The following PTDSS2 variants were observed in gnomAD, a reference collection of about 807,000 sequenced individuals.
PTDSS2 encodes the protein PSS-2.
In PTDSS2, 41 loss-of-function variants were observed where a neutral mutation model predicts 64.7. That is an observed-to-expected ratio of 0.63 (90% CI 0.49 to 0.82). PTDSS2 has a LOEUF of 0.82. Among genes scored for constraint, PTDSS2 ranks in the 40% least tolerant of loss-of-function variants. The probability of loss-of-function intolerance (pLI) is 0.00; values close to 1 mark genes in which losing one functional copy is unlikely to be tolerated. For synonymous variants in PTDSS2, 297 were observed against 277.8 expected (o/e 1.07, Z -0.69); for missense variants, 485 against 650.0 (o/e 0.75, Z 2.76).
intron 2 of PTDSS2, among the ~76,000 whole-genome samples, chr11:464,536 G>C (rs578085034): frequency 1.3e-5 from 2 of 152,342 alleles, no homozygotes; most frequent in African/African-American, 4.8e-5. Context: ...GCCTGGGTGA[G>C]AGCAGGGTCT....
intron 2 of PTDSS2, among the ~76,000 whole-genome samples, chr11:472,420 C>T (rs1847509616): frequency 6.6e-6 from 1 of 152,216 alleles, no homozygotes. Context: ...GAGGGCATCT[C>T]TGCCTCTGTC....
At position 487,081 on chromosome 11, in the gene PTDSS2, G is replaced by T; in HGVS notation, c.570+8G>T. On this transcript the variant is annotated splice_region_variant and intron_variant, in intron 5 of 11. Coordinates refer to ENST00000308020, the MANE Select transcript of PTDSS2 (RefSeq NM_030783.3). ...CCCTTTCACAACATCTGGGTAAGAC[G>T]CCGGGGGCCCTGAGGCGAGCCCCTC... 7 of 1,610,370 alleles carry T rather than the reference G, an allele frequency of 4.3e-6. No individual in the cohort carries two copies. Among genetic ancestry groups the T allele is most frequent in the South Asian group, 1.1e-5 (1 of 90,632 alleles).
Position 488,110 on chromosome 11 carries a change from C to A in PTDSS2, c.622-89C>A, listed in dbSNP as rs1020208655. ...GCGTGGCCGGCGTCCCATACTCTGG[C>A]TGCCAGCCGGGGTGGGGGCTGCACG... On this transcript the variant is annotated intron_variant, in intron 6 of 11. Transcript: ENST00000308020. The A allele has an allele frequency of 9.3e-6, 9 of 964,924 alleles. No individual in the cohort carries two copies. The South Asian group carries it at 9.6e-5, about 10-fold the overall frequency. 59.8% of individuals were successfully genotyped at this position (964,924 alleles called of 1,614,324 possible).
At position 462,112 on chromosome 11, in the gene PTDSS2, G is replaced by C. The variant is rs866855029; in HGVS notation, c.284+1824G>C. 5.9e-5 allele frequency among the ~76,000 whole-genome samples: 9 copies of C among 152,072 alleles called. No individual in the cohort carries two copies. The highest frequency in any genetic ancestry group is 2.1e-4 in the South Asian group (1 of 4,832). On this transcript the variant is annotated intron_variant, in intron 2 of 11. Transcript: ENST00000308020. This position sits in a 1 kb window ranked among gnomAD's most constrained non-coding sequence, Gnocchi z 4.5. ...AGGGGGTGTCTTGGGAGCACTCCCC[G>C]AAAGCATTCACCAGGCCCCCACCAG...
intron 2 of PTDSS2, chr11:464,021 T>A (rs1239906357): frequency 2.0e-5 from 3 of 152,152 alleles, no homozygotes; most frequent in Admixed American, 6.6e-5. Flanking sequence ...GGTCGTGCTC[T>A]GTTGCCCAGG....
rs1590592816 is a variant in PTDSS2 at position 450,363 on chromosome 11, G to A, written c.-93G>A. The A allele has an allele frequency of 8.9e-7, 1 of 1,124,268 alleles. No individual in the cohort carries two copies. The highest frequency in any genetic ancestry group is 1.1e-6 in the Non-Finnish European group (1 of 895,058). The allele number at this position is 1,124,268 out of a possible 1,614,324, so 69.6% of individuals were successfully genotyped here. A position where few individuals can be genotyped will look rare whatever the true frequency, so the allele number is the denominator to read the frequency against. ...GCCAGCGCCGCGACCCCTTCCCAGC[G>A]CTCCTCGCGCTGTGTGCGGCGCGTC... is the stretch of plus-strand genomic sequence containing the variant. On this transcript the variant is annotated 5_prime_UTR_variant, in exon 1 of 12. Transcript: ENST00000308020.
rs1462811987 is a variant in PTDSS2, at chr11:470,987, A to G, written c.285-2908A>G. On this transcript the variant is annotated intron_variant, in intron 2 of 11. Transcript: ENST00000308020. This position sits in a 1 kb window ranked among gnomAD's most constrained non-coding sequence, Gnocchi z 5.3. ...ACAATAATTCTGTAAATCTAAAACC[A>G]TTCTAAAATTAAAAATTTATTTTTA... is the stretch of plus-strand genomic sequence containing the variant. Among the ~76,000 whole-genome samples the G allele has an allele frequency of 6.6e-6, 1 of 152,178 alleles. No homozygotes were observed. Among genetic ancestry groups the G allele is most frequent in the Non-Finnish European group, 1.5e-5 (1 of 68,038 alleles).
At chr11:451,447 GA>G in intron 1 of PTDSS2, 1 of 440,422 alleles carries the variant, frequency 2.3e-6, no homozygotes, top group Admixed American at 2.4e-5. Context: ...CCGTCGACCT[GA>G]AAGCAGGCTT....
At chr11:467,649 C>T (rs1486306322) in intron 2 of PTDSS2, among the ~76,000 whole-genome samples, 1 of 151,906 alleles carries the variant, frequency 6.6e-6, no homozygotes, top group Non-Finnish European at 1.5e-5. Context: ...CCCAGCTACT[C>T]GGGAGGCCAG....
chr11:486,358 C>T (rs1039417935), intron 4 of PTDSS2, among the ~76,000 whole-genome samples: 3 of 152,200 alleles, frequency 2.0e-5, no homozygotes, highest in Non-Finnish European at 2.9e-5. Context: ...GTCTGTCCAG[C>T]GGTCCTAGAC....
At chr11:480,041 A>C (rs1847998376) in intron 4 of PTDSS2, 1 of 152,580 alleles carries the variant, frequency 6.6e-6, no homozygotes, top group Non-Finnish European at 1.5e-5. Flanking sequence ...CACTGGCCCT[A>C]AAACTCCTTT....
chr11:454,186 T>TCCTCCTGCAGGGCTGCTGTGC (rs1182480566), intron 1 of PTDSS2, among the ~76,000 whole-genome samples: 1 of 152,160 alleles, frequency 6.6e-6, no homozygotes, highest in Non-Finnish European at 1.5e-5. Flanking sequence ...CTGAGATGTG[T>TCCTCCTGCAGGGCTGCTGTGC]CCTCCTGCAG....
rs376070131 is a variant in PTDSS2, at chr11:490,448, C to T, written c.1330C>T (p.Arg444Trp). 10 of 1,613,120 alleles carry T rather than the reference C, an allele frequency of 6.2e-6. No homozygotes were observed. Among genetic ancestry groups the T allele is most frequent in the Admixed American group, 3.3e-5 (2 of 60,004 alleles). The change falls in exon 12 of 12, where the codon CGG (arginine) becomes TGG (tryptophan). Residue 444 changes from arginine (R) to tryptophan (W), a missense_variant. Transcript: ENST00000308020. ...RDITLRYKET[R>W]WQKWQNKDDQ... ...CATCACATTGAGGTACAAGGAGACC[C>T]GGTGGCAGAAGTGGCAGAACAAGGA...
At chr11:468,013 A>C (rs1847219912) in intron 2 of PTDSS2, among the ~76,000 whole-genome samples, 1 of 152,050 alleles carries the variant, frequency 6.6e-6, no homozygotes, top group Non-Finnish European at 1.5e-5. Context: ...GCACACACAC[A>C]TGGTCCCACC....
chr11:467,509 GC>G (rs1847196030), intron 2 of PTDSS2, among the ~76,000 whole-genome samples: 1 of 152,160 alleles, frequency 6.6e-6, no homozygotes, highest in Non-Finnish European at 1.5e-5. Flanking sequence ...TGTCATCCCA[GC>G]ACTTTGGGAG....
Position 490,513 on chromosome 11 carries a change from A to C in PTDSS2, c.1395A>C (p.Pro465=), listed in dbSNP as rs1286849598. Residue 465 remains proline, a synonymous_variant, in exon 12 of 12, where the codon CCA becomes CCC. Coordinates refer to ENST00000308020, the MANE Select transcript of PTDSS2 (RefSeq NM_030783.3). The part of the protein sequence containing the change: ...GSTVGNGDQH[P]LGLDEDLLGP... ...CCGTCGGCAACGGGGACCAGCACCCACTGGGGCTGGACGAAGACCTGCTGG... is the reference window on the plus strand; with the variant it reads ...CCGTCGGCAACGGGGACCAGCACCCCCTGGGGCTGGACGAAGACCTGCTGG... 1 of 1,612,962 alleles carries C rather than the reference A, an allele frequency of 6.2e-7. No individual in the cohort carries two copies. Among genetic ancestry groups the C allele is most frequent in the Non-Finnish European group, 8.5e-7 (1 of 1,179,826 alleles).
upstream of PTDSS2, among the ~76,000 whole-genome samples, chr11:449,068 AT>A (rs33967553): frequency 2.3e-3 from 319 of 136,304 alleles, no homozygotes; most frequent in African/African-American, 6.9e-3. Flanking sequence ...TTCACCTAGC[AT>A]TTTTTTTTTT....
chr11:484,107 A>G (rs552166576), intron 4 of PTDSS2, among the ~76,000 whole-genome samples: 1 of 152,286 alleles, frequency 6.6e-6, no homozygotes, highest in African/African-American at 2.4e-5. Flanking sequence ...GTATTTATTT[A>G]TATCAGTGTG....
In PTDSS2 at chr11:487,416, A is replaced by G; in HGVS notation, c.571-4A>G. ...GGTCAAGGGTCATACCCTGTCGCCC[A>G]CAGGACAAGTTGGATGGCTTTGTTC... On this transcript the variant is annotated splice_polypyrimidine_tract_variant and splice_region_variant and intron_variant, in intron 5 of 11. Coordinates refer to ENST00000308020, the MANE Select transcript of PTDSS2 (RefSeq NM_030783.3). 1 of 1,613,934 alleles carries G rather than the reference A, an allele frequency of 6.2e-7. No individual in the cohort carries two copies. The highest frequency in any genetic ancestry group is 8.5e-7 in the Non-Finnish European group (1 of 1,179,934).
Sources: allele counts gnomAD v4.1 joint callset (sites outside exome capture counted in the v4.1 genomes callset), GRCh38; gene constraint gnomAD v4.1.1; non-coding constraint Gnocchi (gnomAD v3.1); transcripts MANE v1.5; gene names NCBI Gene and HGNC (gene_info 2026-07-23, HGNC 2026-07-21).